Variants in SYNE2 observed in about 807,000 individuals in gnomAD.
The protein encoded by SYNE2 is nesprin-2.
A neutral mutation model predicts 856.3 loss-of-function variants in SYNE2; 431 were observed. The observed-to-expected ratio is 0.50, with a 90% CI of 0.47 to 0.55. The LOEUF (loss-of-function observed/expected upper bound fraction) is 0.55. Ranked by LOEUF, SYNE2 falls within the 20% of genes least tolerant of loss-of-function variation. The pLI is 0.00. For missense variants in SYNE2, 8,129 were observed against 8,023.2 expected (o/e 1.01, Z -0.50); for synonymous variants, 2,923 against 2,872.3 (o/e 1.02, Z -0.56).
chr14:64,150,291 CAAAAAAAAAAAAAAAAAA>C lies in SYNE2; in HGVS notation c.15640-2260_15640-2243del, dbSNP rs773488742. ...TGGGTGACAGAGCAAGATTCTCTCT[CAAAAAAAAAAAAAAAAAA>C]AAAAAAAAAAAAGGATCCTCCCGCC... On this transcript the variant is annotated intron_variant, in intron 84 of 115. Transcript: ENST00000555002. 1.4e-3 allele frequency among the ~76,000 whole-genome samples: 49 copies of C among 35,646 alleles called. 2 individuals carry two copies. In the South Asian group the frequency reaches 0.076, roughly 55 times the overall value. 23.4% of individuals were successfully genotyped at this position (35,646 alleles called of 152,430 possible). A position where few individuals can be genotyped will look rare whatever the true frequency, so the allele number is the denominator to read the frequency against.
At chr14:64,225,091 C>A (rs941258651) in intron 115 of SYNE2, 46 bp downstream of exon 115, 1 of 1,602,834 alleles carries the variant, frequency 6.2e-7, no homozygotes, top group African/African-American at 1.3e-5. Flanking sequence ...CTGCTCCACA[C>A]TCCCACTGAC....
chr14:64,124,938 G>T, intron 70 of SYNE2, 141 bp from the exon 71 acceptor site: 1 of 1,001,938 alleles, frequency 1.0e-6, no homozygotes, highest in Non-Finnish European at 1.4e-6. Context: ...GGGAGACAGA[G>T]GTTTCAGTGA....
At chr14:64,159,506 G>A in intron 87 of SYNE2, 64 bp downstream of exon 87, 2 of 1,580,862 alleles carry the variant, frequency 1.3e-6, no homozygotes, top group South Asian at 1.1e-5. Flanking sequence ...GAAGAATGAG[G>A]GGGCATAGGC....
At chr14:64,154,175 A>G (rs976611432) in intron 85 of SYNE2, among the ~76,000 whole-genome samples, 1 of 151,818 alleles carries the variant, frequency 6.6e-6, no homozygotes, top group Non-Finnish European at 1.5e-5. Flanking sequence ...TATTAAAAAA[A>G]AAAAAAAAGA....
intron 111 of SYNE2, 74 bp from the exon 112 acceptor site, chr14:64,221,502 G>C: frequency 6.2e-7 from 1 of 1,614,064 alleles, no homozygotes; most frequent in South Asian, 1.1e-5. Flanking sequence ...ATTGGAAGCA[G>C]TAAGCCATGT....
At chr14:64,171,882 A>G (rs1260892947) in intron 94 of SYNE2, among the ~76,000 whole-genome samples, 1 of 151,882 alleles carries the variant, frequency 6.6e-6, no homozygotes, top group Non-Finnish European at 1.5e-5. Context: ...ACGGAGTCTC[A>G]CTCTGTCGCC....
At chr14:64,103,314 A>G (rs1595540190) in intron 64 of SYNE2, among the ~76,000 whole-genome samples, 1 of 148,996 alleles carries the variant, frequency 6.7e-6, no homozygotes, top group African/African-American at 2.5e-5. Context: ...TTAACATGCC[A>G]CTCTTTTGGG....
chr14:63,954,817 T>A lies in SYNE2; in HGVS notation c.689T>A (p.Met230Lys), dbSNP rs750258352. Residue 230 changes from methionine (M) to lysine (K), a missense_variant, in exon 8 of 116, where the codon ATG becomes AAG. Met to Lys is a moderately conservative substitution (Grantham distance 95). This residue lies in a region of SYNE2 where 2,422 missense variants were observed against 2,357.4 expected (regional missense o/e 1.03). Coordinates refer to ENST00000555002, the MANE Select transcript of SYNE2 (RefSeq NM_182914.3). ...GCCTTGCGACCAGACCTAATTGACA[T>A]GAAGAGTGTGAAGCATAGATCCAAC... ...IHALRPDLIDMKSVKHRSNKD... is the reference protein window; with the variant it reads ...IHALRPDLIDKKSVKHRSNKD... The A allele has an allele frequency of 1.2e-6, 2 of 1,614,042 alleles. No individual in the cohort carries two copies. Among genetic ancestry groups the A allele is most frequent in the Non-Finnish European group, 1.7e-6 (2 of 1,179,952 alleles).
chr14:63,948,518 C>T (rs1467872518), intron 6 of SYNE2, among the ~76,000 whole-genome samples: 2 of 151,126 alleles, frequency 1.3e-5, no homozygotes, highest in African/African-American at 4.9e-5. Flanking sequence ...AAAAATTAGC[C>T]GGGAGTGGTG....
In SYNE2 at chr14:64,073,321, C is replaced by T. The variant is rs549623306; in HGVS notation, c.10698-647C>T. On this transcript the variant is annotated intron_variant, in intron 52 of 115. Coordinates refer to ENST00000555002, the MANE Select transcript of SYNE2 (RefSeq NM_182914.3). ...TTGCCTTCTTAGAACTAAAGATGCT[C>T]CTATCACTCAGGAAATTACAAAGGG... 4.7e-4 allele frequency among the ~76,000 whole-genome samples: 72 copies of T among 152,208 alleles called. 1 individual carries two copies. The highest frequency in any genetic ancestry group is 1.3e-3 in the African/African-American group (56 of 41,528).
chr14:63,807,213 C>T (rs1489113151), intron 1 of SYNE2, among the ~76,000 whole-genome samples: 1 of 151,984 alleles, frequency 6.6e-6, no homozygotes, highest in Non-Finnish European at 1.5e-5. Context: ...TGGCATGTGC[C>T]TGTAGTCCCA....
chr14:64,213,805 T>C (rs1489543389), intron 105 of SYNE2, among the ~76,000 whole-genome samples: 3 of 152,198 alleles, frequency 2.0e-5, no homozygotes, highest in Non-Finnish European at 2.9e-5. Flanking sequence ...TGGTTGAAGT[T>C]TGAGTCTTAC....
intron 1 of SYNE2, among the ~76,000 whole-genome samples, chr14:63,775,535 C>G (rs769820648): frequency 2.0e-5 from 3 of 152,148 alleles, no homozygotes; most frequent in Non-Finnish European, 4.4e-5. Flanking sequence ...CTCGGCCTCC[C>G]AAAGTGTTGG....
chr14:64,005,096 C>T (rs1177268562), intron 30 of SYNE2, among the ~76,000 whole-genome samples: 2 of 152,126 alleles, frequency 1.3e-5, no homozygotes, highest in African/African-American at 2.4e-5. Flanking sequence ...TGAGAAGGTG[C>T]AGCAGTGAGG....
chr14:64,004,903 C>T (rs1474766208), intron 30 of SYNE2, among the ~76,000 whole-genome samples: 2 of 152,148 alleles, frequency 1.3e-5, no homozygotes, highest in Non-Finnish European at 2.9e-5. Context: ...AAAAGAAATT[C>T]TATGTAAGGA....
At chr14:64,036,817 A>G (rs1381251590) in intron 45 of SYNE2, among the ~76,000 whole-genome samples, 1 of 152,200 alleles carries the variant, frequency 6.6e-6, no homozygotes, top group Admixed American at 6.5e-5. Flanking sequence ...TCATCTGTAC[A>G]TCTACTCAGT....
chr14:64,187,102 A>G (rs542709335), intron 97 of SYNE2, among the ~76,000 whole-genome samples: 80 of 152,372 alleles, frequency 5.3e-4, no homozygotes, highest in African/African-American at 1.8e-3. Context: ...TGTTGTCTCA[A>G]TGGATCACTT....
chr14:63,847,283 A>AAATAAT (rs941996879), intron 1 of SYNE2, among the ~76,000 whole-genome samples: 2 of 150,924 alleles, frequency 1.3e-5, no homozygotes, highest in Non-Finnish European at 3.0e-5. Context: ...TGCTTTTACA[A>AAATAAT]AATAATAATA....
intron 1 of SYNE2, among the ~76,000 whole-genome samples, chr14:63,813,443 C>T (rs749328512): frequency 4.6e-5 from 7 of 152,192 alleles, no homozygotes; most frequent in Non-Finnish European, 7.3e-5. Flanking sequence ...AGCTATGATT[C>T]TCCAAACAAA....
Sources: gnomAD v4.1 joint callset for allele counts (sites outside exome capture counted in the v4.1 genomes callset) on GRCh38, gnomAD v4.1.1 for gene constraint, gnomAD v4.1.1 regional missense constraint, MANE v1.5 for transcripts, NCBI Gene and HGNC (gene_info 2026-07-23, HGNC 2026-07-21) for gene names.